Variants in LARGE1 observed in about 807,000 individuals in gnomAD.
The protein encoded by LARGE1 is xylosyl- and glucuronyltransferase LARGE1.
A neutral mutation model predicts 87.6 loss-of-function variants in LARGE1; 43 were observed. That is an observed-to-expected ratio of 0.49 (90% CI 0.38 to 0.63). The LOEUF (loss-of-function observed/expected upper bound fraction) is 0.63, where lower values mean the gene tolerates loss of function less well. LARGE1 is among the 30% of genes least tolerant of loss of function. LARGE1 has a pLI of 0.00. For synonymous variants in LARGE1, 434 were observed against 394.6 expected, an observed-to-expected ratio of 1.10 and a Z score of -1.18; for missense variants, 802 against 1,000.2, an observed-to-expected ratio of 0.80 and a Z score of 2.67.
At chr22:33,318,369 T>C (rs1466785753) in intron 10 of LARGE1, among the ~76,000 whole-genome samples, 1 of 152,242 alleles carries the variant, frequency 6.6e-6, no homozygotes, top group Non-Finnish European at 1.5e-5. Context: ...TGTTTGGTTT[T>C]TTGTCCTTGC....
Position 33,852,288 on chromosome 22 carries a change from T to G in LARGE1, c.-83+67707A>C, listed in dbSNP as rs557871829. Among the ~76,000 whole-genome samples, 4 of 152,230 alleles carry G rather than the reference T, an allele frequency of 2.6e-5. No individual in the cohort carries two copies. The East Asian group carries it at 7.7e-4, about 29-fold the overall frequency. ...AAAAGAGGCCTCTGAGCTGAGAAAC[T>G]GAAACCGATGCTCCCAGATGAAGTT... On this transcript the variant is annotated intron_variant, in intron 1 of 14. Transcript: ENST00000397394.
At chr22:33,133,355 G>A in the LARGE1 span, among the ~76,000 whole-genome samples, 1 of 152,110 alleles carries the variant, frequency 6.6e-6, no homozygotes, top group African/African-American at 2.4e-5. Context: ...ACAGGCCCCA[G>A]TGTGTGATGT....
intron 6 of LARGE1, among the ~76,000 whole-genome samples, chr22:33,523,623 A>G (rs1362596350): frequency 1.3e-5 from 2 of 151,982 alleles, no homozygotes; most frequent in Non-Finnish European, 2.9e-5. Context: ...GGAGCCCAGT[A>G]GAGGTTACAC....
chr22:33,806,587 G>A (rs1404318610), intron 1 of LARGE1, among the ~76,000 whole-genome samples: 2 of 152,138 alleles, frequency 1.3e-5, no homozygotes, highest in Non-Finnish European at 2.9e-5. Context: ...CCTTGAAAAC[G>A]GGGCAAGAGC....
chr22:33,592,079 A>G (rs1164477688), intron 5 of LARGE1, among the ~76,000 whole-genome samples: 2 of 79,838 alleles, frequency 2.5e-5, no homozygotes, highest in Non-Finnish European at 2.4e-5. Context: ...AGGGGAGGAG[A>G]GAGGAGGGGA....
chr22:33,100,413 T>C, the LARGE1 span, among the ~76,000 whole-genome samples: 1 of 129,204 alleles, frequency 7.7e-6, no homozygotes, highest in South Asian at 2.5e-4. Flanking sequence ...TTCATCAAAA[T>C]ATCATAAAGA....
At chr22:33,105,060 C>T in the LARGE1 span, among the ~76,000 whole-genome samples, 1 of 151,648 alleles carries the variant, frequency 6.6e-6, no homozygotes, top group Non-Finnish European at 1.5e-5. Flanking sequence ...TGCAGTGGTA[C>T]TATCTCCGCT....
intron 1 of LARGE1, among the ~76,000 whole-genome samples, chr22:33,855,322 G>A (rs997490293): frequency 1.3e-5 from 2 of 152,022 alleles, no homozygotes; most frequent in African/African-American, 2.4e-5. Context: ...CAAGACAGCG[G>A]GACCCCGTCT....
At chr22:33,732,907 C>T (rs1181853804) in intron 2 of LARGE1, 1 of 152,272 alleles carries the variant, frequency 6.6e-6, no homozygotes, top group Non-Finnish European at 1.5e-5. Flanking sequence ...GAGTCTGAAA[C>T]ACCACCCACC....
At chr22:33,456,242 G>A (rs1399375686) in intron 6 of LARGE1, among the ~76,000 whole-genome samples, 2 of 152,122 alleles carry the variant, frequency 1.3e-5, no homozygotes, top group Non-Finnish European at 2.9e-5. Context: ...AGGATTCTGT[G>A]GCTGCCAATT....
chr22:33,176,082 G>T (rs1224190452), intron 11 of LARGE1, among the ~76,000 whole-genome samples: 1 of 152,114 alleles, frequency 6.6e-6, no homozygotes, highest in African/African-American at 2.4e-5. Flanking sequence ...AAATGATGCT[G>T]GGAAAACTGA....
At chr22:33,690,581 G>A (rs2082071404) in intron 2 of LARGE1, among the ~76,000 whole-genome samples, 1 of 151,856 alleles carries the variant, frequency 6.6e-6, no homozygotes, top group African/African-American at 2.4e-5. Flanking sequence ...AGGGAAGTGT[G>A]GAAAACAGGG....
At chr22:33,856,288 T>C (rs1267454921) in intron 1 of LARGE1, among the ~76,000 whole-genome samples, 1 of 152,166 alleles carries the variant, frequency 6.6e-6, no homozygotes, top group African/African-American at 2.4e-5. Context: ...TGCCTCTCCA[T>C]GGAAGAGGGT....
At chr22:33,168,105 G>A (rs547075541) in intron 11 of LARGE1, among the ~76,000 whole-genome samples, 1 of 152,094 alleles carries the variant, frequency 6.6e-6, no homozygotes, top group Non-Finnish European at 1.5e-5. Context: ...GGGGTCTAAG[G>A]CTTGGACCCG....
Position 33,853,495 on chromosome 22 carries a change from G to T in LARGE1, c.-83+66500C>A, listed in dbSNP as rs192234998. Among the ~76,000 whole-genome samples, 3 of 152,306 alleles carry T rather than the reference G, an allele frequency of 2.0e-5. No homozygotes were observed. The East Asian group carries it at 5.8e-4, about 29-fold the overall frequency. On this transcript the variant is annotated intron_variant, in intron 1 of 14. Coordinates refer to ENST00000397394, the MANE Select transcript of LARGE1 (RefSeq NM_133642.5). ...TAAGTCCCTTGTTCAACATCTAGAT[G>T]GCCAAAGGCAGGGTTTATTTTCAAA...
chr22:33,107,400 C>T, the LARGE1 span, among the ~76,000 whole-genome samples: 4 of 152,050 alleles, frequency 2.6e-5, no homozygotes, highest in East Asian at 1.9e-4. Flanking sequence ...CCCATCTCTA[C>T]GAAAATTAGC....
intron 1 of LARGE1, among the ~76,000 whole-genome samples, chr22:33,815,761 C>T (rs983734816): frequency 6.6e-6 from 1 of 152,168 alleles, no homozygotes; most frequent in East Asian, 1.9e-4. Flanking sequence ...CACCGGAAGG[C>T]ATGTATGTAT....
chr22:33,186,252 TA>T (rs1923469319), intron 11 of LARGE1, among the ~76,000 whole-genome samples: 5 of 152,112 alleles, frequency 3.3e-5, no homozygotes, highest in African/African-American at 1.2e-4. Flanking sequence ...TTTTCAGGAA[TA>T]TAGATGCAAA....
In LARGE1 at chr22:33,803,182, G is replaced by T. The variant is rs539116204; in HGVS notation, c.-82-41624C>A. 3.3e-5 allele frequency among the ~76,000 whole-genome samples: 5 copies of T among 152,190 alleles called. No homozygotes were observed. The South Asian group carries it at 1.0e-3, about 32-fold the overall frequency. On this transcript the variant is annotated intron_variant, in intron 1 of 14. Transcript: ENST00000397394. ...TAATAAAAGCTACTATTACATTATG[G>T]AATTGGTAGAGCACTCATTTCCCTC...
Sources: allele counts gnomAD v4.1 joint callset (sites outside exome capture counted in the v4.1 genomes callset), GRCh38; gene constraint gnomAD v4.1.1; transcripts MANE v1.5; gene names NCBI Gene and HGNC (gene_info 2026-07-23, HGNC 2026-07-21).